The following CDH18 variants were observed in gnomAD, a reference collection of about 807,000 sequenced individuals.
CDH18 encodes cadherin-18.
A neutral mutation model predicts 67.9 loss-of-function variants in CDH18; 31 were observed. That is an observed-to-expected ratio of 0.46 (90% CI 0.34 to 0.62). The LOEUF is 0.62. CDH18 is among the 20% of genes least tolerant of loss of function. The pLI is 0.01. For missense variants in CDH18, 890 were observed against 975.5 expected (o/e 0.91, Z 1.17); for synonymous variants, 362 against 347.2 (o/e 1.04, Z -0.48).
chr5:20,176,432 A>C (rs1426664482), intron 2 of CDH18, among the ~76,000 whole-genome samples: 4 of 152,154 alleles, frequency 2.6e-5, no homozygotes, highest in African/African-American at 4.8e-5. Flanking sequence ...TTTTTTCTTG[A>C]TACGACTTGC....
intron 5 of CDH18, among the ~76,000 whole-genome samples, chr5:19,663,929 G>C (rs948329279): frequency 2.6e-4 from 39 of 151,226 alleles, no homozygotes; most frequent in Non-Finnish European, 3.1e-4. Context: ...TGTAGTTTAG[G>C]AAATTGTTAA....
intron 2 of CDH18, among the ~76,000 whole-genome samples, chr5:20,128,233 AC>A (rs1748988729): frequency 6.6e-6 from 1 of 152,084 alleles, no homozygotes; most frequent in Non-Finnish European, 1.5e-5. Context: ...TATTCACCTC[AC>A]GAAGATACTA....
At chr5:20,148,258 A>ATTATTT (rs558672974) in intron 2 of CDH18, among the ~76,000 whole-genome samples, 2,957 of 151,650 alleles carry the variant, frequency 0.019, 39 homozygotes, top group Middle Eastern at 0.044. Flanking sequence ...TACCCGGCTA[A>ATTATTT]TTATTTTTAT....
intron 1 of CDH18, among the ~76,000 whole-genome samples, chr5:20,311,767 C>T (rs1377813938): frequency 1.3e-5 from 2 of 152,082 alleles, no homozygotes; most frequent in Admixed American, 1.3e-4. Context: ...ACTTTCTGTG[C>T]ATGTACCCCA....
At position 19,571,804 on chromosome 5, in the gene CDH18, T is replaced by A. The variant is rs1382879545; in HGVS notation, c.1028A>T (p.Tyr343Phe). Reference protein sequence around the residue: ...KPLNYEKKKSYTLNIEGANTH... With the variant: ...KPLNYEKKKSFTLNIEGANTH... ...ATTTGCTCCTTCTATGTTGAGGGTA[T>A]ATGACTTCTTTTTCTCATAGTTCAG... Residue 343 changes from tyrosine (Y) to phenylalanine (F), a missense_variant, in exon 8 of 13, where the codon TAT (tyrosine) becomes TTT (phenylalanine). Transcript: ENST00000382275. The A allele has an allele frequency of 1.9e-6, 3 of 1,613,408 alleles. No homozygotes were observed. The highest frequency in any genetic ancestry group is 2.5e-6 in the Non-Finnish European group (3 of 1,179,500).
chr5:19,789,095 G>C (rs867449997), intron 3 of CDH18, among the ~76,000 whole-genome samples: 24 of 152,152 alleles, frequency 1.6e-4, no homozygotes, highest in Admixed American at 1.2e-3. Context: ...CTGGAGTGTT[G>C]TAAAGTTGAA....
At chr5:19,830,936 G>A (rs1441514532) in intron 3 of CDH18, among the ~76,000 whole-genome samples, 2 of 152,034 alleles carry the variant, frequency 1.3e-5, no homozygotes, top group South Asian at 4.1e-4. Context: ...AACGCAGGAA[G>A]AGAAAACCAC....
At chr5:20,238,652 T>C (rs1027397425) in intron 2 of CDH18, among the ~76,000 whole-genome samples, 2 of 152,082 alleles carry the variant, frequency 1.3e-5, no homozygotes, top group African/African-American at 2.4e-5. Flanking sequence ...TAAACATATA[T>C]TAAAAATATG....
At chr5:20,389,864 G>A (rs753765430) in intron 1 of CDH18, among the ~76,000 whole-genome samples, 6 of 152,018 alleles carry the variant, frequency 3.9e-5, no homozygotes, top group Non-Finnish European at 7.4e-5. Flanking sequence ...CTTTGACAAA[G>A]CTGACAAAAA....
At chr5:19,870,952 T>C (rs1786199336) in intron 2 of CDH18, among the ~76,000 whole-genome samples, 1 of 152,162 alleles carries the variant, frequency 6.6e-6, no homozygotes, top group African/African-American at 2.4e-5. Context: ...TTATTATTAT[T>C]ATCATCATCT....
chr5:20,571,468 A>G (rs1019393730), intron 1 of CDH18, among the ~76,000 whole-genome samples: 3 of 152,120 alleles, frequency 2.0e-5, no homozygotes, highest in African/African-American at 7.2e-5. Flanking sequence ...TTAATAATTT[A>G]TATTACCAAA....
chr5:20,323,603 A>G (rs1161245277), intron 1 of CDH18, among the ~76,000 whole-genome samples: 2 of 152,198 alleles, frequency 1.3e-5, no homozygotes, highest in African/African-American at 4.8e-5. Flanking sequence ...CTAACTGACC[A>G]CATTATCACC....
intron 2 of CDH18, among the ~76,000 whole-genome samples, chr5:20,111,523 CTCCCTTCCTTCCTTCCT>C (rs1747459010): frequency 7.5e-6 from 1 of 133,940 alleles, no homozygotes; most frequent in South Asian, 2.6e-4. Context: ...CCCTCCCTCC[CTCCCTTCCTTCCTTCCT>C]TCTTTCTTTT....
At chr5:19,578,483 T>A (rs1742686826) in intron 7 of CDH18, among the ~76,000 whole-genome samples, 1 of 152,064 alleles carries the variant, frequency 6.6e-6, no homozygotes, top group African/African-American at 2.4e-5. Context: ...ATTGTTATAA[T>A]GTTTTCAAGC....
chr5:20,325,834 C>T (rs1738521892), intron 1 of CDH18, among the ~76,000 whole-genome samples: 1 of 152,092 alleles, frequency 6.6e-6, no homozygotes, highest in Non-Finnish European at 1.5e-5. Flanking sequence ...ATAGAGTTAT[C>T]CCAAGGCCAT....
At chr5:20,496,956 G>T (rs1013099440) in intron 1 of CDH18, among the ~76,000 whole-genome samples, 27 of 152,046 alleles carry the variant, frequency 1.8e-4, no homozygotes, top group African/African-American at 6.5e-4. Context: ...GGAGCTGTGG[G>T]TGCTAGTGGA....
chr5:20,510,185 GTCT>G (rs1443888989), intron 1 of CDH18, among the ~76,000 whole-genome samples: 5 of 152,056 alleles, frequency 3.3e-5, no homozygotes, highest in Non-Finnish European at 5.9e-5. Flanking sequence ...GGATTTGTGT[GTCT>G]TCTTCTGAGA....
At chr5:19,488,050 T>C (rs1740687665) in intron 11 of CDH18, among the ~76,000 whole-genome samples, 1 of 152,166 alleles carries the variant, frequency 6.6e-6, no homozygotes, top group Admixed American at 6.5e-5. Flanking sequence ...CACATGCTTC[T>C]GGAGATCAGA....
chr5:19,635,063 G>A (rs1002381441), intron 5 of CDH18, among the ~76,000 whole-genome samples: 2 of 151,980 alleles, frequency 1.3e-5, no homozygotes, highest in East Asian at 3.9e-4. Flanking sequence ...CTCCTGTGAG[G>A]TGATATAACA....
Sources: gnomAD v4.1 joint callset for allele counts (sites outside exome capture counted in the v4.1 genomes callset) on GRCh38, gnomAD v4.1.1 for gene constraint, MANE v1.5 for transcripts, NCBI Gene and HGNC (gene_info 2026-07-23, HGNC 2026-07-21) for gene names.